BCL7A: variants seen among roughly 807,000 people sequenced by gnomAD.
BCL7A encodes the protein BAF chromatin remodeling complex subunit BCL7A.
A neutral mutation model predicts 28.4 loss-of-function variants in BCL7A; 11 were observed. The observed-to-expected ratio is 0.39, with a 90% CI of 0.24 to 0.64. BCL7A has a LOEUF of 0.64. Ranked by LOEUF, BCL7A falls within the 30% of genes least tolerant of loss-of-function variation. The pLI is 0.50. For synonymous variants in BCL7A, 123 were observed against 103.3 expected, an observed-to-expected ratio of 1.19 and a Z score of -1.15; for missense variants, 222 against 274.8, an observed-to-expected ratio of 0.81 and a Z score of 1.36.
chr12:122,022,987 G>T (rs545206432), intron 1 of BCL7A, among the ~76,000 whole-genome samples: 1 of 152,164 alleles, frequency 6.6e-6, no homozygotes, highest in Admixed American at 6.5e-5. Context: ...GGGAGCTCGT[G>T]TTTGTTTTGC....
At chr12:122,028,303 G>T (rs73415696) in intron 1 of BCL7A, among the ~76,000 whole-genome samples, 17,365 of 152,138 alleles carry the variant, frequency 0.11, 2,219 homozygotes, top group African/African-American at 0.32. Context: ...CTCGAGCCTC[G>T]CTGGGAAGCA....
chr12:122,052,084 AG>A (rs762696908), intron 4 of BCL7A, among the ~76,000 whole-genome samples: 5 of 152,108 alleles, frequency 3.3e-5, no homozygotes, highest in Middle Eastern at 3.4e-3. Flanking sequence ...CATGTTGGCC[AG>A]GCTGGTCTTG....
At chr12:122,057,524 C>A (rs926061240) in intron 5 of BCL7A, among the ~76,000 whole-genome samples, 1 of 152,038 alleles carries the variant, frequency 6.6e-6, no homozygotes, top group South Asian at 2.1e-4. Flanking sequence ...GGCCAGAGGC[C>A]GGGTTGGAGG....
At chr12:122,045,135 C>A (rs1008508215) in intron 4 of BCL7A, among the ~76,000 whole-genome samples, 6 of 152,110 alleles carry the variant, frequency 3.9e-5, no homozygotes, top group African/African-American at 1.4e-4. Context: ...AATCCCAGCA[C>A]TTTGGGAGGC....
At position 122,062,039 on chromosome 12, in the gene BCL7A, C is replaced by A. The variant is rs1357376748; in HGVS notation, c.*2876C>A. ...ATTTCAGAAAATAAAAATTTCAAAT[C>A]ATGAATACCTTGTGGTTTTGTCTCA... On this transcript the variant is annotated 3_prime_UTR_variant, in exon 6 of 6. Coordinates refer to ENST00000261822, the MANE Select transcript of BCL7A (RefSeq NM_001024808.3). 5.5e-6 allele frequency: 1 copy of A among 180,652 alleles called. No homozygotes were observed. The highest frequency in any genetic ancestry group is 1.2e-5 in the Non-Finnish European group (1 of 84,386). 11.2% of individuals were successfully genotyped at this position (180,652 alleles called of 1,614,324 possible). A position where few individuals can be genotyped will look rare whatever the true frequency, so the allele number is the denominator to read the frequency against.
In BCL7A at chr12:122,060,893, GA is replaced by G. The variant is rs879225661; in HGVS notation, c.*1742del. ...ATGCAAAATGTCTCCTGAAATAAGG[GA>G]AAAAAAAAAAACCACAACTTTGAAA... is the stretch of plus-strand genomic sequence containing the variant. On this transcript the variant is annotated 3_prime_UTR_variant, in exon 6 of 6. Transcript: ENST00000261822. 7.9e-3 allele frequency: 1,481 copies of G among 186,496 alleles called. 1 individual carries two copies. The highest frequency in any genetic ancestry group is 0.011 in the Middle Eastern group (6 of 548). The allele number at this position is 186,496 out of a possible 1,614,324, so 11.6% of individuals were successfully genotyped here.
chr12:122,037,745 G>A (rs376703848), intron 3 of BCL7A, among the ~76,000 whole-genome samples: 93 of 151,850 alleles, frequency 6.1e-4, no homozygotes, highest in African/African-American at 2.1e-3. Flanking sequence ...TTGGGAGTTC[G>A]AGACTAGCCT....
chr12:122,048,160 C>T (rs573458558), intron 4 of BCL7A, among the ~76,000 whole-genome samples: 123 of 152,142 alleles, frequency 8.1e-4, no homozygotes, highest in Non-Finnish European at 1.5e-3. Flanking sequence ...GCCTCGGCCT[C>T]CCAAAGTGCT....
chr12:122,045,110 G>A (rs1439910911), intron 4 of BCL7A, among the ~76,000 whole-genome samples: 2 of 152,114 alleles, frequency 1.3e-5, no homozygotes, highest in Non-Finnish European at 2.9e-5. Context: ...ACCAGGCGCG[G>A]TGGCTCACGC....
intron 1 of BCL7A, among the ~76,000 whole-genome samples, chr12:122,022,523 G>A (rs1883488324): frequency 1.4e-5 from 2 of 139,836 alleles, no homozygotes; most frequent in African/African-American, 2.5e-5. Flanking sequence ...GCCGGCCCCA[G>A]AAGCCATTTC....
chr12:122,049,571 T>C (rs1420038012), intron 4 of BCL7A, among the ~76,000 whole-genome samples: 1 of 151,818 alleles, frequency 6.6e-6, no homozygotes, highest in African/African-American at 2.4e-5. Flanking sequence ...AATGCCAGTT[T>C]CTTGGGAGGC....
rs539656245 is a variant in BCL7A at position 122,052,879 on chromosome 12, G to C, written c.440-1926G>C. 3.9e-4 allele frequency among the ~76,000 whole-genome samples: 52 copies of C among 133,590 alleles called. 1 individual carries two copies. In the South Asian group the frequency reaches 7.0e-3, roughly 18 times the overall value. 87.6% of individuals were successfully genotyped at this position (133,590 alleles called of 152,430 possible). ...TGTATTTTTTTAGTCGGGGGGGGGG[G>C]GGGGTTTGCCATGTTGGCCAGGCTG... On this transcript the variant is annotated intron_variant, in intron 4 of 5. Coordinates refer to ENST00000261822, the MANE Select transcript of BCL7A (RefSeq NM_001024808.3).
At chr12:122,036,757 G>C (rs1436213971) in intron 3 of BCL7A, among the ~76,000 whole-genome samples, 1 of 151,622 alleles carries the variant, frequency 6.6e-6, no homozygotes, top group Non-Finnish European at 1.5e-5. Context: ...ACCCAGGCTG[G>C]AGTGCAGTGG....
At chr12:122,026,266 CAA>C (rs78577517) in intron 1 of BCL7A, among the ~76,000 whole-genome samples, 13 of 49,468 alleles carry the variant, frequency 2.6e-4, no homozygotes, top group Non-Finnish European at 2.2e-4. Context: ...GACTCCGTCT[CAA>C]AAAAAAAAAA....
At chr12:122,034,838 T>C (rs1883818355) in intron 2 of BCL7A, among the ~76,000 whole-genome samples, 1 of 152,108 alleles carries the variant, frequency 6.6e-6, no homozygotes, top group African/African-American at 2.4e-5. Flanking sequence ...GGGTCTTCCT[T>C]CCTAACTCCT....
intron 2 of BCL7A, among the ~76,000 whole-genome samples, chr12:122,032,699 C>T (rs976009078): frequency 9.2e-5 from 14 of 152,196 alleles, no homozygotes; most frequent in Non-Finnish European, 2.1e-4. Context: ...TGTAATGGAG[C>T]AGTAACATCC....
At chr12:122,025,371 A>T (rs2135837677) in intron 1 of BCL7A, among the ~76,000 whole-genome samples, 1 of 152,192 alleles carries the variant, frequency 6.6e-6, no homozygotes, top group Middle Eastern at 3.4e-3. Context: ...CACGCCTGTA[A>T]TTTCAGCACT....
At chr12:122,039,275 C>T (rs893159653) in intron 3 of BCL7A, among the ~76,000 whole-genome samples, 12 of 147,432 alleles carry the variant, frequency 8.1e-5, no homozygotes, top group East Asian at 4.0e-4. Flanking sequence ...ACAGCCTGGG[C>T]GACAGAGCAA....
chr12:122,029,211 G>A lies in BCL7A; in HGVS notation c.93-1489G>A, dbSNP rs936694258. Among the ~76,000 whole-genome samples the A allele has an allele frequency of 6.6e-6, 1 of 152,172 alleles. No individual in the cohort carries two copies. The highest frequency in any genetic ancestry group is 2.4e-5 in the African/African-American group (1 of 41,442). ...CGGCACAGTCCTTGGTACATAGAAG[G>A]CGCTAGGAATGGCCACTGGTATAAT... On this transcript the variant is annotated intron_variant, in intron 1 of 5. Transcript: ENST00000261822. This position sits in a 1 kb window ranked among gnomAD's most constrained non-coding sequence, Gnocchi z 4.3.
Sources: allele counts gnomAD v4.1 joint callset (sites outside exome capture counted in the v4.1 genomes callset), GRCh38; gene constraint gnomAD v4.1.1; non-coding constraint Gnocchi (gnomAD v3.1); transcripts MANE v1.5; gene names NCBI Gene and HGNC (gene_info 2026-07-23, HGNC 2026-07-21).